MAN1A2: variants seen among roughly 807,000 people sequenced by gnomAD.
MAN1A2 encodes mannosyl-oligosaccharide 1,2-alpha-mannosidase IB.
Under a neutral mutation model 75.7 loss-of-function variants are expected in MAN1A2, and 26 were observed. The observed-to-expected ratio is 0.34, with a 90% CI of 0.25 to 0.48. MAN1A2 has a LOEUF of 0.48. MAN1A2 is among the 20% of genes least tolerant of loss of function. The probability of loss-of-function intolerance (pLI) is 0.99; values close to 1 mark genes in which losing one functional copy is unlikely to be tolerated. For synonymous variants in MAN1A2, 247 were observed against 264.6 expected (o/e 0.93, Z 0.65); for missense variants, 562 against 775.5 (o/e 0.72, Z 3.27).
intron 7 of MAN1A2, among the ~76,000 whole-genome samples, chr1:117,462,427 G>T (rs1235930836): frequency 5.3e-5 from 8 of 152,060 alleles, no homozygotes; most frequent in Admixed American, 5.2e-4. Flanking sequence ...ATTCAAAATG[G>T]TTTTGATAAA....
intron 12 of MAN1A2, among the ~76,000 whole-genome samples, chr1:117,505,913 A>G (rs1232199898): frequency 6.6e-6 from 1 of 151,384 alleles, no homozygotes; most frequent in African/African-American, 2.4e-5. Flanking sequence ...CCTAATACAT[A>G]ATGGTAATGG....
At chr1:117,418,436 T>C (rs952352693) in intron 4 of MAN1A2, among the ~76,000 whole-genome samples, 2 of 152,114 alleles carry the variant, frequency 1.3e-5, no homozygotes, top group African/African-American at 4.8e-5. Flanking sequence ...AGGGGAGCCA[T>C]GTGGATATAC....
In MAN1A2 at chr1:117,523,576, T is replaced by C. The variant is rs1651928652; in HGVS notation, c.*619T>C. 1 of 163,394 alleles carries C rather than the reference T, an allele frequency of 6.1e-6. No individual in the cohort carries two copies. The highest frequency in any genetic ancestry group is 2.4e-5 in the African/African-American group (1 of 41,504). The allele number at this position is 163,394 out of a possible 1,614,324, so 10.1% of individuals were successfully genotyped here. The stretch of plus-strand genomic sequence containing the variant: ...GGCAACCATTTCAAATCCCAGTCTA[T>C]TTCATTGAAATTTCTTGGTTAAGTT... On this transcript the variant is annotated 3_prime_UTR_variant, in exon 13 of 13. Coordinates refer to ENST00000356554, the MANE Select transcript of MAN1A2 (RefSeq NM_006699.5).
At chr1:117,498,086 A>G (rs977870803) in intron 10 of MAN1A2, among the ~76,000 whole-genome samples, 16 of 151,888 alleles carry the variant, frequency 1.1e-4, no homozygotes, top group Admixed American at 9.9e-4. Flanking sequence ...TTGAAAGAAT[A>G]TAAGTCAAGA....
chr1:117,453,304 A>G (rs768192836), intron 6 of MAN1A2, among the ~76,000 whole-genome samples: 1 of 152,202 alleles, frequency 6.6e-6, no homozygotes, highest in Non-Finnish European at 1.5e-5. Flanking sequence ...GCTGCCATAT[A>G]TAGTGATTCC....
At position 117,470,034 on chromosome 1, in the gene MAN1A2, T is replaced by C. The variant is rs145434387; in HGVS notation, c.1168+3607T>C. On this transcript the variant is annotated intron_variant, in intron 8 of 12. Coordinates refer to ENST00000356554, the MANE Select transcript of MAN1A2 (RefSeq NM_006699.5). ...TTGTAGCCTAGTGTTCATTACATTA[T>C]TTATGATATCCAAAAGGAGAAAGTA... Among the ~76,000 whole-genome samples, 108 of 152,248 alleles carry C rather than the reference T, an allele frequency of 7.1e-4. 1 individual carries two copies. Among genetic ancestry groups the C allele is most frequent in the African/African-American group, 2.6e-3 (107 of 41,568 alleles).
At chr1:117,504,179 A>T (rs1328744207) in intron 12 of MAN1A2, among the ~76,000 whole-genome samples, 1 of 151,450 alleles carries the variant, frequency 6.6e-6, no homozygotes, top group Admixed American at 6.6e-5. Context: ...CTAGACTAGA[A>T]AATAAAGTGA....
intron 12 of MAN1A2, among the ~76,000 whole-genome samples, chr1:117,511,675 T>G (rs537201203): frequency 6.6e-6 from 1 of 152,238 alleles, no homozygotes; most frequent in South Asian, 2.1e-4. Flanking sequence ...CTCTGATCCC[T>G]CTTTAGTTTT....
chr1:117,394,675 A>C (rs1234814711), intron 1 of MAN1A2, among the ~76,000 whole-genome samples: 1 of 152,214 alleles, frequency 6.6e-6, no homozygotes, highest in African/African-American at 2.4e-5. Flanking sequence ...AAAGCCAATG[A>C]TCAGAGGCCT....
intron 5 of MAN1A2, among the ~76,000 whole-genome samples, chr1:117,429,678 C>G (rs1438535638): frequency 9.0e-6 from 1 of 110,666 alleles, no homozygotes; most frequent in Admixed American, 8.1e-5. Context: ...CCCCTCACCT[C>G]CTGGACGGGG....
chr1:117,398,703 G>A (rs1238079708), intron 1 of MAN1A2, among the ~76,000 whole-genome samples: 2 of 151,822 alleles, frequency 1.3e-5, no homozygotes, highest in African/African-American at 2.4e-5. Context: ...GAAAGAAGGT[G>A]TGTGGCTGTA....
intron 8 of MAN1A2, among the ~76,000 whole-genome samples, chr1:117,475,783 G>A (rs142351101): frequency 6.6e-6 from 1 of 152,152 alleles, no homozygotes; most frequent in African/African-American, 2.4e-5. Context: ...ATTTGGATTG[G>A]TTCCAAGTCT....
rs202154946 is a variant in MAN1A2 at position 117,458,516 on chromosome 1, T to TAG, written c.951-1972_951-1971insGA. Among the ~76,000 whole-genome samples the TAG allele has an allele frequency of 3.5e-3, 373 of 107,976 alleles. 7 individuals are homozygous for TAG. The highest frequency in any genetic ancestry group is 0.011 in the African/African-American group (270 of 25,314). 70.8% of individuals were successfully genotyped at this position (107,976 alleles called of 152,430 possible). On this transcript the variant is annotated intron_variant, in intron 6 of 12. Coordinates refer to ENST00000356554, the MANE Select transcript of MAN1A2 (RefSeq NM_006699.5). The stretch of plus-strand genomic sequence containing the variant: ...ATATATCTATATATATATATAGATA[T>TAG]ATATATATTTTTTTTTTTTTTTTTG...
At position 117,528,727 on chromosome 1, in the gene MAN1A2, A is replaced by G. The variant is rs970063747; in HGVS notation, c.*5770A>G. The G allele has an allele frequency of 3.9e-5, 6 of 152,124 alleles. No homozygotes were observed. Among genetic ancestry groups the G allele is most frequent in the Admixed American group, 3.3e-4 (5 of 15,254 alleles). The allele number at this position is 152,124 out of a possible 1,614,324, so 9.4% of individuals were successfully genotyped here. A position where few individuals can be genotyped will look rare whatever the true frequency, so the allele number is the denominator to read the frequency against. On this transcript the variant is annotated 3_prime_UTR_variant, in exon 13 of 13. Coordinates refer to ENST00000356554, the MANE Select transcript of MAN1A2 (RefSeq NM_006699.5). ...TGATAGAATTTTTTCTTAAACTAAT[A>G]AGTGGGGTAAGTATAATCTCCTAAA...
intron 5 of MAN1A2, among the ~76,000 whole-genome samples, chr1:117,431,987 G>A (rs1353836492): frequency 6.6e-6 from 1 of 151,948 alleles, no homozygotes. Context: ...TGACCATGAT[G>A]GAATTAAATT....
intron 6 of MAN1A2, among the ~76,000 whole-genome samples, chr1:117,445,208 GAT>G (rs1290865057): frequency 1.3e-5 from 2 of 152,060 alleles, no homozygotes; most frequent in Admixed American, 1.3e-4. Context: ...GAATTCCTTA[GAT>G]ATTCCTTGGC....
chr1:117,429,753 G>A (rs1477782888), intron 5 of MAN1A2, among the ~76,000 whole-genome samples: 3 of 110,250 alleles, frequency 2.7e-5, no homozygotes, highest in Non-Finnish European at 5.8e-5. Context: ...CTGGCCGGGC[G>A]GGGGGCTGAC....
rs767876658 is a variant in MAN1A2, at chr1:117,502,955, T to C, written c.1778T>C (p.Leu593Pro). Residue 593 changes from leucine (L) to proline (P), a missense_variant, in exon 12 of 13, where the codon CTT (leucine) becomes CCT (proline). Physicochemically the swap from Leu to Pro is moderately conservative, Grantham distance 98 (BLOSUM62 -3). Transcript: ENST00000356554. ...GATGATGTACAGCAGAGCTTTTTTC[T>C]TGCTGAAACATTAAAGTAAGTATAT... Reference protein sequence around the residue: ...THDDVQQSFFLAETLKYLYLL... With the variant: ...THDDVQQSFFPAETLKYLYLL... The C allele has an allele frequency of 3.8e-6, 6 of 1,586,666 alleles. No individual in the cohort carries two copies. The South Asian group carries it at 6.8e-5, about 18-fold the overall frequency.
At chr1:117,510,091 A>T (rs1651484705) in intron 12 of MAN1A2, among the ~76,000 whole-genome samples, 1 of 151,918 alleles carries the variant, frequency 6.6e-6, no homozygotes. Flanking sequence ...TAATTTGTTT[A>T]ATCAGTACCC....
Sources: allele counts gnomAD v4.1 joint callset (sites outside exome capture counted in the v4.1 genomes callset), GRCh38; gene constraint gnomAD v4.1.1; transcripts MANE v1.5; gene names NCBI Gene and HGNC (gene_info 2026-07-23, HGNC 2026-07-21).